IL1RAPL1: variants seen among roughly 807,000 people sequenced by gnomAD.
The protein encoded by IL1RAPL1 is interleukin-1 receptor accessory protein-like 1.
IL1RAPL1 carries 3 observed loss-of-function variants against 48.4 expected under a neutral mutation model. That is an observed-to-expected ratio of 0.06 (90% CI 0.03 to 0.16). The LOEUF is 0.16. Ranked by LOEUF, IL1RAPL1 falls within the 10% of genes least tolerant of loss-of-function variation. IL1RAPL1 has a pLI of 1.00. For missense variants in IL1RAPL1, 349 were observed against 530.6 expected, an observed-to-expected ratio of 0.66 and a Z score of 3.36; for synonymous variants, 185 against 187.7, an observed-to-expected ratio of 0.99 and a Z score of 0.12.
intron 4 of IL1RAPL1, among the ~76,000 whole-genome samples, chrX:29,397,148 ATAAAG>A (rs1161131662): frequency 1.8e-5 from 2 of 112,280 alleles, no homozygotes; most frequent in Non-Finnish European, 3.8e-5. Context: ...TACTCAAAAA[ATAAAG>A]TATAGATGCT....
At chrX:29,588,632 A>G (rs1263513178) in intron 5 of IL1RAPL1, among the ~76,000 whole-genome samples, 2 of 111,910 alleles carry the variant, frequency 1.8e-5, no homozygotes, top group African/African-American at 6.5e-5. Flanking sequence ...CTATACTACG[A>G]TGGAAGAGAG....
chrX:28,695,365 G>A (rs907384909), intron 1 of IL1RAPL1, among the ~76,000 whole-genome samples: 5 of 110,626 alleles, frequency 4.5e-5, no homozygotes, highest in African/African-American at 1.6e-4. Flanking sequence ...TTTGAATCCT[G>A]ACAGTCTGAC....
At chrX:28,853,956 G>A (rs970324209) in intron 2 of IL1RAPL1, among the ~76,000 whole-genome samples, 5 of 111,404 alleles carry the variant, frequency 4.5e-5, no homozygotes, top group African/African-American at 1.6e-4. Flanking sequence ...TCATTGAGTA[G>A]GCAATGGAAG....
chrX:29,866,504 C>T (rs1340777969), intron 6 of IL1RAPL1, among the ~76,000 whole-genome samples: 3 of 110,084 alleles, frequency 2.7e-5, no homozygotes, highest in East Asian at 2.8e-4. Context: ...TTTGCAAAGA[C>T]GAAGTGGTCT....
chrX:29,787,686 A>G (rs1368774607), intron 6 of IL1RAPL1, among the ~76,000 whole-genome samples: 2 of 112,046 alleles, frequency 1.8e-5, no homozygotes, highest in Non-Finnish European at 1.9e-5. Flanking sequence ...TTTCTTTACC[A>G]TTAAGACCTT....
At chrX:28,939,713 C>A (rs1246070718) in intron 2 of IL1RAPL1, among the ~76,000 whole-genome samples, 2 of 111,517 alleles carry the variant, frequency 1.8e-5, no homozygotes, top group African/African-American at 6.5e-5. Context: ...AAGATGTAAT[C>A]TTTTCTCTCA....
chrX:29,122,684 T>C (rs1160406966), intron 2 of IL1RAPL1, among the ~76,000 whole-genome samples: 2 of 111,184 alleles, frequency 1.8e-5, no homozygotes, highest in African/African-American at 6.6e-5. Context: ...AGGATTAAAA[T>C]GTGTTAAGAT....
At chrX:29,201,842 GCCA>G (rs1569258389) in intron 2 of IL1RAPL1, among the ~76,000 whole-genome samples, 1 of 110,989 alleles carries the variant, frequency 9.0e-6, no homozygotes, top group South Asian at 3.8e-4. Context: ...ACAGGCATGC[GCCA>G]CCACGCCTGG....
intron 6 of IL1RAPL1, among the ~76,000 whole-genome samples, chrX:29,766,535 G>C (rs1928914921): frequency 1.1e-5 from 1 of 94,280 alleles, no homozygotes; most frequent in Non-Finnish European, 2.1e-5. Flanking sequence ...ACTTTCTTTT[G>C]AAAAATTTCA....
At chrX:29,905,197 T>C (rs1172489404) in intron 6 of IL1RAPL1, among the ~76,000 whole-genome samples, 1 of 108,665 alleles carries the variant, frequency 9.2e-6, no homozygotes, top group Non-Finnish European at 1.9e-5. Context: ...TTCATATCCT[T>C]TGCCCACTTT....
At chrX:29,327,227 T>A (rs910393415) in intron 3 of IL1RAPL1, among the ~76,000 whole-genome samples, 2 of 111,262 alleles carry the variant, frequency 1.8e-5, no homozygotes, top group Non-Finnish European at 1.9e-5. Flanking sequence ...TTGTATTTCA[T>A]GAAATGAAAA....
chrX:28,669,279 C>T (rs1406557915), intron 1 of IL1RAPL1, among the ~76,000 whole-genome samples: 1 of 110,644 alleles, frequency 9.0e-6, no homozygotes, highest in Non-Finnish European at 1.9e-5. Context: ...TTAAGGATGG[C>T]TAGAAGAGAA....
intron 6 of IL1RAPL1, among the ~76,000 whole-genome samples, chrX:29,676,423 G>A (rs979908154): frequency 5.4e-5 from 6 of 111,145 alleles, no homozygotes; most frequent in African/African-American, 1.3e-4. Flanking sequence ...CTTCATTACA[G>A]GATAAATAAG....
chrX:29,803,333 A>T (rs1263751943), intron 6 of IL1RAPL1, among the ~76,000 whole-genome samples: 3 of 66,027 alleles, frequency 4.5e-5, no homozygotes, highest in Non-Finnish European at 8.5e-5. Flanking sequence ...ATACATGTAT[A>T]CACATATGTA....
chrX:28,859,079 A>G (rs1335604544), intron 2 of IL1RAPL1, among the ~76,000 whole-genome samples: 1 of 112,260 alleles, frequency 8.9e-6, no homozygotes, highest in Non-Finnish European at 1.9e-5. Flanking sequence ...ATGTTTTCCA[A>G]TTCTGCTAGA....
At chrX:29,930,265 G>C (rs1381354218) in intron 8 of IL1RAPL1, among the ~76,000 whole-genome samples, 4 of 111,994 alleles carry the variant, frequency 3.6e-5, no homozygotes, top group African/African-American at 1.3e-4. Flanking sequence ...TTGCATTGCT[G>C]AACCAGGCAT....
At chrX:29,221,624 C>T (rs376501851) in intron 2 of IL1RAPL1, among the ~76,000 whole-genome samples, 33 of 10,722 alleles carry the variant, frequency 3.1e-3, no homozygotes, top group African/African-American at 8.9e-3. Context: ...CACACATACA[C>T]ACACACACAC....
chrX:29,896,169 G>C (rs532941692), intron 6 of IL1RAPL1, among the ~76,000 whole-genome samples: 2 of 112,274 alleles, frequency 1.8e-5, no homozygotes, highest in Admixed American at 1.9e-4. Flanking sequence ...GATGGGAAAC[G>C]ACTTTCAGTG....
intron 6 of IL1RAPL1, among the ~76,000 whole-genome samples, chrX:29,816,953 T>C (rs1019211693): frequency 9.1e-6 from 1 of 110,043 alleles, no homozygotes; most frequent in African/African-American, 3.3e-5. Flanking sequence ...CTCTCTGTTA[T>C]ATATATCCTC....
Sources: gnomAD v4.1 joint callset for allele counts (sites outside exome capture counted in the v4.1 genomes callset) on GRCh38, gnomAD v4.1.1 for gene constraint, MANE v1.5 for transcripts, NCBI Gene and HGNC (gene_info 2026-07-23, HGNC 2026-07-21) for gene names.